Variants in HCRTR2 observed in about 807,000 individuals in gnomAD.
HCRTR2 encodes the protein hypocretin receptor 2, also known as orexin receptor type 2.
Under a neutral mutation model 49.0 loss-of-function variants are expected in HCRTR2, and 22 were observed. That is an observed-to-expected ratio of 0.45 (90% CI 0.32 to 0.64). HCRTR2 has a LOEUF of 0.64. Ranked by LOEUF, HCRTR2 falls within the 30% of genes least tolerant of loss-of-function variation. The probability of loss-of-function intolerance (pLI) is 0.04; values close to 1 mark genes in which losing one functional copy is unlikely to be tolerated. For synonymous variants in HCRTR2, 236 were observed against 205.3 expected (o/e 1.15, Z -1.28); for missense variants, 491 against 559.4 (o/e 0.88, Z 1.23).
chr6:55,268,073 C>T (rs1247190802), intron 4 of HCRTR2, among the ~76,000 whole-genome samples: 3 of 152,090 alleles, frequency 2.0e-5, no homozygotes, highest in Non-Finnish European at 4.4e-5. Context: ...GGAAATGGAG[C>T]TGTATTGGAG....
At chr6:55,184,935 GAT>G (rs1300316103) in intron 1 of HCRTR2, among the ~76,000 whole-genome samples, 1 of 152,134 alleles carries the variant, frequency 6.6e-6, no homozygotes, top group African/African-American at 2.4e-5. Flanking sequence ...GAATGAATTT[GAT>G]GAGTCAACCA....
intron 1 of HCRTR2, among the ~76,000 whole-genome samples, chr6:55,238,038 T>A (rs1230614894): frequency 6.6e-6 from 1 of 152,132 alleles, no homozygotes; most frequent in Non-Finnish European, 1.5e-5. Context: ...AGAAATTATA[T>A]CCCCTGGAGT....
chr6:55,257,965 G>A (rs548837492), intron 3 of HCRTR2, among the ~76,000 whole-genome samples: 240 of 151,820 alleles, frequency 1.6e-3, no homozygotes, highest in African/African-American at 5.5e-3. Context: ...ATAATTCAAG[G>A]CAGATTTTTA....
chr6:55,110,372 C>T (rs903686621), intron 1 of HCRTR2, among the ~76,000 whole-genome samples: 7 of 151,952 alleles, frequency 4.6e-5, no homozygotes, highest in Non-Finnish European at 4.4e-5. Flanking sequence ...AATACCTCAC[C>T]TCTCAATACT....
At chr6:55,244,674 CAAAT>C (rs1275169038) in intron 1 of HCRTR2, among the ~76,000 whole-genome samples, 3 of 151,920 alleles carry the variant, frequency 2.0e-5, no homozygotes, top group Non-Finnish European at 1.5e-5. Context: ...ACTGAATAAA[CAAAT>C]AAATGTTTGT....
chr6:55,192,987 T>C (rs1357520774), intron 1 of HCRTR2, among the ~76,000 whole-genome samples: 1 of 152,210 alleles, frequency 6.6e-6, no homozygotes, highest in Admixed American at 6.5e-5. Flanking sequence ...AGAGAATATG[T>C]CAACATCTTT....
chr6:55,228,207 G>A (rs1766047750), intron 1 of HCRTR2, among the ~76,000 whole-genome samples: 1 of 146,662 alleles, frequency 6.8e-6, no homozygotes, highest in African/African-American at 2.4e-5. Flanking sequence ...AGCGGAATGG[G>A]GATAGACAAA....
intron 2 of HCRTR2, 80 bp downstream of exon 2, chr6:55,248,897 G>A (rs1766497571): frequency 8.6e-7 from 1 of 1,161,062 alleles, no homozygotes; most frequent in Non-Finnish European, 1.3e-6. Flanking sequence ...AAATTAACTA[G>A]TGAGTTGAGA....
intron 1 of HCRTR2, among the ~76,000 whole-genome samples, chr6:55,217,852 T>A (rs1012100945): frequency 6.6e-6 from 1 of 152,146 alleles, no homozygotes; most frequent in African/African-American, 2.4e-5. Context: ...CCAAAGCCAC[T>A]TGCACATTTT....
chr6:55,179,535 A>G (rs962846741), intron 1 of HCRTR2, among the ~76,000 whole-genome samples: 1 of 152,208 alleles, frequency 6.6e-6, no homozygotes, highest in Non-Finnish European at 1.5e-5. Context: ...TAAGATGGCT[A>G]TTTCATAGAT....
chr6:55,118,579 T>C (rs1764151958), intron 1 of HCRTR2, among the ~76,000 whole-genome samples: 1 of 151,938 alleles, frequency 6.6e-6, no homozygotes, highest in African/African-American at 2.4e-5. Context: ...TTTAACTTTT[T>C]AATAATAGCC....
At chr6:55,140,158 A>T (rs79784859) in intron 1 of HCRTR2, among the ~76,000 whole-genome samples, 5,548 of 82,876 alleles carry the variant, frequency 0.067, 332 homozygotes, top group African/African-American at 0.16. Flanking sequence ...ATTTAATCTG[A>T]CCCTTTTTTT....
chr6:55,263,639 G>A lies in HCRTR2; in HGVS notation c.647-68G>A, dbSNP rs969604871. ...AATATGCACTTTGAAGAAAAGCATT[G>A]ACATGTATCTTTTTTAAAAGTCCAT... On this transcript the variant is annotated intron_variant, in intron 3 of 6. Transcript: ENST00000370862. 24 of 803,308 alleles carry A rather than the reference G, an allele frequency of 3.0e-5. No homozygotes were observed. The African/African-American group carries it at 4.1e-4, about 14-fold the overall frequency. The allele number at this position is 803,308 out of a possible 1,614,324, so 49.8% of individuals were successfully genotyped here.
At position 55,255,074 on chromosome 6, in the gene HCRTR2, A is replaced by G. The variant is rs552648702; in HGVS notation, c.403-62A>G. 5 of 1,571,808 alleles carry G rather than the reference A, an allele frequency of 3.2e-6. No homozygotes were observed. The Admixed American group carries it at 8.7e-5, about 27-fold the overall frequency. On this transcript the variant is annotated intron_variant, in intron 2 of 6. Coordinates refer to ENST00000370862, the MANE Select transcript of HCRTR2 (RefSeq NM_001384272.1). ...ACTACCTTTCTCATATAGTAAATAT[A>G]TTAAGAGTAATTCTTTTAACAGCTG...
chr6:55,189,705 A>C (rs1170358285), intron 1 of HCRTR2, among the ~76,000 whole-genome samples: 1 of 152,160 alleles, frequency 6.6e-6, no homozygotes, highest in African/African-American at 2.4e-5. Flanking sequence ...TACCTAGGTG[A>C]TGGGTTGATA....
intron 1 of HCRTR2, among the ~76,000 whole-genome samples, chr6:55,217,591 C>G (rs1321342254): frequency 1.3e-5 from 2 of 152,146 alleles, no homozygotes; most frequent in East Asian, 1.9e-4. Flanking sequence ...CCAAGTATGA[C>G]CTTTATTCCA....
intron 1 of HCRTR2, among the ~76,000 whole-genome samples, chr6:55,186,196 G>A (rs565729478): frequency 6.6e-6 from 1 of 152,246 alleles, no homozygotes; most frequent in Non-Finnish European, 1.5e-5. Flanking sequence ...ACAGGTTCAG[G>A]AATACAGAAT....
chr6:55,129,435 G>T (rs1024041854), intron 1 of HCRTR2, among the ~76,000 whole-genome samples: 6 of 152,076 alleles, frequency 3.9e-5, no homozygotes, highest in African/African-American at 1.4e-4. Context: ...TTAATCAAAT[G>T]AAGATGGCAT....
At chr6:55,274,283 AT>A (rs1767034062) in intron 4 of HCRTR2, among the ~76,000 whole-genome samples, 1 of 146,944 alleles carries the variant, frequency 6.8e-6, no homozygotes, top group Non-Finnish European at 1.5e-5. Flanking sequence ...TTATACATAT[AT>A]TTTATGAAAT....
Sources: allele counts gnomAD v4.1 joint callset (sites outside exome capture counted in the v4.1 genomes callset), GRCh38; gene constraint gnomAD v4.1.1; transcripts MANE v1.5; gene names NCBI Gene and HGNC (gene_info 2026-07-23, HGNC 2026-07-21).